SNX18: variants seen among roughly 807,000 people sequenced by gnomAD.
SNX18 encodes sorting nexin 18.
In SNX18, 35 loss-of-function variants were observed where a neutral mutation model predicts 48.7. The observed-to-expected ratio is 0.72, with a 90% CI of 0.55 to 0.95. SNX18 has a LOEUF of 0.95. SNX18 is among the 40% of genes least tolerant of loss of function. SNX18 has a pLI of 0.00. For synonymous variants in SNX18, 492 were observed against 384.7 expected, an observed-to-expected ratio of 1.28 and a Z score of -3.26; for missense variants, 824 against 871.0, an observed-to-expected ratio of 0.95 and a Z score of 0.68.
At chr5:54,531,721 G>A (rs1400012125) in intron 1 of SNX18, among the ~76,000 whole-genome samples, 1 of 152,152 alleles carries the variant, frequency 6.6e-6, no homozygotes, top group African/African-American at 2.4e-5. Flanking sequence ...GCGAGGCAGC[G>A]GGAAAACCAC....
the SNX18 span, among the ~76,000 whole-genome samples, chr5:54,615,743 G>T: frequency 0.053 from 8,030 of 152,266 alleles, 286 homozygotes; most frequent in Non-Finnish European, 0.082. Context: ...AAAAAAATGT[G>T]CATGATCCTC....
chr5:54,638,219 A>T, the SNX18 span, among the ~76,000 whole-genome samples: 1 of 152,186 alleles, frequency 6.6e-6, no homozygotes, highest in African/African-American at 2.4e-5. Flanking sequence ...GCATTTTTAG[A>T]TATAGTTAAT....
the SNX18 span, among the ~76,000 whole-genome samples, chr5:54,589,210 C>A: frequency 6.6e-6 from 1 of 152,052 alleles, no homozygotes; most frequent in Admixed American, 6.6e-5. Context: ...CATCCCTTTT[C>A]CTCTCATTTC....
At chr5:54,600,348 A>G in the SNX18 span, among the ~76,000 whole-genome samples, 2 of 152,200 alleles carry the variant, frequency 1.3e-5, no homozygotes, top group African/African-American at 4.8e-5. Context: ...GCAAGGTTGC[A>G]GAGAAATAGG....
chr5:54,626,650 C>A, the SNX18 span, among the ~76,000 whole-genome samples: 1 of 152,186 alleles, frequency 6.6e-6, no homozygotes, highest in East Asian at 1.9e-4. Context: ...ATTTGGTTGT[C>A]ACATCAGAGC....
chr5:54,599,782 T>C, the SNX18 span, among the ~76,000 whole-genome samples: 1 of 152,170 alleles, frequency 6.6e-6, no homozygotes, highest in East Asian at 1.9e-4. Flanking sequence ...TGGCTATCCA[T>C]TTGCAGAAAA....
At chr5:54,614,934 A>G in the SNX18 span, among the ~76,000 whole-genome samples, 14 of 152,330 alleles carry the variant, frequency 9.2e-5, no homozygotes, top group South Asian at 2.9e-3. Context: ...CCTAAGAAAA[A>G]GGTATAATTA....
chr5:54,539,207 T>C (rs747734234), intron 1 of SNX18, among the ~76,000 whole-genome samples: 10 of 151,912 alleles, frequency 6.6e-5, no homozygotes, highest in Non-Finnish European at 1.2e-4. Context: ...CTCTTCTAAA[T>C]AGTTGTAGTG....
At chr5:54,542,280 G>A (rs1329648730) in intron 1 of SNX18, among the ~76,000 whole-genome samples, 2 of 152,102 alleles carry the variant, frequency 1.3e-5, no homozygotes, top group South Asian at 2.1e-4. Context: ...TGCCGGAGTG[G>A]TCAATCCTTC....
chr5:54,569,560 T>C, the SNX18 span, among the ~76,000 whole-genome samples: 8 of 152,348 alleles, frequency 5.3e-5, no homozygotes, highest in South Asian at 1.7e-3. Flanking sequence ...ATCTAGGATC[T>C]GGAAATTTCT....
chr5:54,542,614 C>T (rs1762492306), intron 1 of SNX18, among the ~76,000 whole-genome samples: 1 of 152,212 alleles, frequency 6.6e-6, no homozygotes, highest in East Asian at 1.9e-4. Context: ...CAATTGTAGA[C>T]TGGCAACATT....
chr5:54,530,314 C>A (rs907678278), intron 1 of SNX18, among the ~76,000 whole-genome samples: 71 of 152,160 alleles, frequency 4.7e-4, no homozygotes, highest in African/African-American at 1.7e-3. Flanking sequence ...TTGAACACAG[C>A]GCAGTTTTTA....
At chr5:54,611,956 T>G in the SNX18 span, among the ~76,000 whole-genome samples, 40 of 151,998 alleles carry the variant, frequency 2.6e-4, 2 homozygotes, top group African/African-American at 8.9e-4. Flanking sequence ...TAACTCACTG[T>G]AACCTCAAAC....
chr5:54,561,495 G>A, the SNX18 span, among the ~76,000 whole-genome samples: 2 of 144,688 alleles, frequency 1.4e-5, no homozygotes, highest in African/African-American at 2.6e-5. Flanking sequence ...ACACCGGCAC[G>A]CCCAGCTAAT....
chr5:54,600,182 C>T, the SNX18 span, among the ~76,000 whole-genome samples: 55,677 of 151,574 alleles, frequency 0.37, 10,304 homozygotes, highest in South Asian at 0.56. Context: ...GAACAGACCC[C>T]TCTCAAAAGA....
the SNX18 span, among the ~76,000 whole-genome samples, chr5:54,597,330 C>T: frequency 7.3e-4 from 111 of 152,068 alleles, no homozygotes; most frequent in Admixed American, 2.1e-3. Context: ...GATAGAACAT[C>T]GAGACAGAAA....
chr5:54,543,124 T>C (rs1398056183), intron 1 of SNX18, 55 bp from the exon 2 acceptor site: 1 of 1,537,390 alleles, frequency 6.5e-7, no homozygotes, highest in Non-Finnish European at 8.8e-7. Context: ...TGTAGTTATG[T>C]TCTTGGGATA....
At chr5:54,565,513 C>T in the SNX18 span, among the ~76,000 whole-genome samples, 3 of 152,042 alleles carry the variant, frequency 2.0e-5, no homozygotes, top group Non-Finnish European at 4.4e-5. Flanking sequence ...ATTGAGGCTG[C>T]CGTGAGCCAT....
At chr5:54,526,916 T>C (rs1464926895) in intron 1 of SNX18, among the ~76,000 whole-genome samples, 1 of 151,066 alleles carries the variant, frequency 6.6e-6, no homozygotes, top group Non-Finnish European at 1.5e-5. Flanking sequence ...AGCAGAGACC[T>C]GAATCACTCT....
Sources: allele counts gnomAD v4.1 joint callset (sites outside exome capture counted in the v4.1 genomes callset), GRCh38; gene constraint gnomAD v4.1.1; transcripts MANE v1.5; gene names NCBI Gene and HGNC (gene_info 2026-07-23, HGNC 2026-07-21).